The following SPAG17 variants were observed in gnomAD, a reference collection of about 807,000 sequenced individuals.
The protein encoded by SPAG17 is sperm-associated antigen 17.
In SPAG17, 169 loss-of-function variants were observed where a neutral mutation model predicts 273.6. That is an observed-to-expected ratio of 0.62 (90% CI 0.55 to 0.70). SPAG17 has a LOEUF of 0.70. Ranked by LOEUF, SPAG17 falls within the 30% of genes least tolerant of loss-of-function variation. SPAG17 has a pLI of 0.00. For missense variants in SPAG17, 2,557 were observed against 2,627.8 expected (o/e 0.97, Z 0.59); for synonymous variants, 825 against 873.2 (o/e 0.94, Z 0.97).
At chr1:118,076,022 CTTA>C (rs762958561) in intron 15 of SPAG17, among the ~76,000 whole-genome samples, 2 of 151,956 alleles carry the variant, frequency 1.3e-5, no homozygotes, top group Admixed American at 6.6e-5. Flanking sequence ...GAAACTTCAT[CTTA>C]TTATTATTAT....
At chr1:118,148,377 C>T (rs994098027) in intron 3 of SPAG17, among the ~76,000 whole-genome samples, 2 of 152,182 alleles carry the variant, frequency 1.3e-5, no homozygotes, top group Admixed American at 6.5e-5. Flanking sequence ...ATCCTCCACA[C>T]TCGGCAAGGG....
At chr1:117,997,555 T>A (rs1449953201) in intron 32 of SPAG17, among the ~76,000 whole-genome samples, 2 of 137,660 alleles carry the variant, frequency 1.5e-5, no homozygotes, top group Non-Finnish European at 3.1e-5. Context: ...ATTTCACTGT[T>A]GAATGAGAAG....
chr1:118,063,987 A>G (rs1434225494), intron 18 of SPAG17, among the ~76,000 whole-genome samples: 1 of 152,156 alleles, frequency 6.6e-6, no homozygotes, highest in African/African-American at 2.4e-5. Context: ...ATGAAAAAAT[A>G]CTCATCATCA....
In SPAG17 at chr1:117,953,941, C is replaced by G; in HGVS notation, c.*109G>C. The G allele has an allele frequency of 7.3e-7, 1 of 1,366,864 alleles. No homozygotes were observed. Among genetic ancestry groups the G allele is most frequent in the Non-Finnish European group, 1.0e-6 (1 of 992,980 alleles). The allele number at this position is 1,366,864 out of a possible 1,614,324, so 84.7% of individuals were successfully genotyped here. A position where few individuals can be genotyped will look rare whatever the true frequency, so the allele number is the denominator to read the frequency against. On this transcript the variant is annotated 3_prime_UTR_variant, in exon 49 of 49. Transcript: ENST00000336338. ...TTGGCAAATTTCTGGTCAGTTCTTCCAGTTTCAGTGTCCTGGGATGATGGA... is the reference window on the plus strand; with the variant it reads ...TTGGCAAATTTCTGGTCAGTTCTTCGAGTTTCAGTGTCCTGGGATGATGGA...
In SPAG17 at chr1:118,097,859, T is replaced by A; in HGVS notation, c.830-8A>T. 1 of 1,554,340 alleles carries A rather than the reference T, an allele frequency of 6.4e-7. No individual in the cohort carries two copies. Among genetic ancestry groups the A allele is most frequent in the Non-Finnish European group, 8.7e-7 (1 of 1,150,238 alleles). On this transcript the variant is annotated splice_polypyrimidine_tract_variant and splice_region_variant and intron_variant, in intron 6 of 48. Coordinates refer to ENST00000336338, the MANE Select transcript of SPAG17 (RefSeq NM_206996.4). ...ATTTTTCTGCTTCTAGATCTAATAATAGCAACATGTTTATATTACCAAATG... is the reference window on the plus strand; with the variant it reads ...ATTTTTCTGCTTCTAGATCTAATAAAAGCAACATGTTTATATTACCAAATG...
At chr1:118,123,500 A>C (rs1337649855) in intron 3 of SPAG17, among the ~76,000 whole-genome samples, 2 of 152,228 alleles carry the variant, frequency 1.3e-5, no homozygotes, top group Non-Finnish European at 2.9e-5. Flanking sequence ...CTGAAGATAT[A>C]GGTTCCATAT....
intron 3 of SPAG17, among the ~76,000 whole-genome samples, chr1:118,121,625 T>C (rs1657425343): frequency 6.6e-6 from 1 of 152,158 alleles, no homozygotes; most frequent in Non-Finnish European, 1.5e-5. Context: ...TGGAGCAGTT[T>C]CATCATGAAA....
At chr1:118,063,651 A>T (rs1317437703) in intron 18 of SPAG17, among the ~76,000 whole-genome samples, 2 of 152,190 alleles carry the variant, frequency 1.3e-5, no homozygotes, top group Admixed American at 6.5e-5. Flanking sequence ...AACCTAGGCA[A>T]TACCATTCAG....
intron 38 of SPAG17, among the ~76,000 whole-genome samples, chr1:117,989,542 C>T (rs1656833235): frequency 6.6e-6 from 1 of 151,912 alleles, no homozygotes; most frequent in Admixed American, 6.6e-5. Flanking sequence ...TCCCATTAGG[C>T]CCCTCCTCCC....
In SPAG17 at chr1:118,017,557, A is replaced by C. The variant is rs934156436; in HGVS notation, c.4070-1375T>G. ...ATTTTTCCTACAGGTGATATTTAATAACTAAAGTGTTATAAGAGAGAAAGT... is the reference window on the plus strand; with the variant it reads ...ATTTTTCCTACAGGTGATATTTAATCACTAAAGTGTTATAAGAGAGAAAGT... On this transcript the variant is annotated intron_variant, in intron 28 of 48. Transcript: ENST00000336338. Among the ~76,000 whole-genome samples the C allele has an allele frequency of 3.3e-5, 5 of 152,166 alleles. 1 individual carries two copies. The highest frequency in any genetic ancestry group is 4.8e-5 in the African/African-American group (2 of 41,438).
chr1:118,085,760 T>C (rs1183179288), intron 13 of SPAG17, among the ~76,000 whole-genome samples, 162 bp downstream of exon 13: 2 of 152,230 alleles, frequency 1.3e-5, no homozygotes, highest in Non-Finnish European at 2.9e-5. Context: ...GCTAATGACA[T>C]TATTCAAACA....
intron 3 of SPAG17, among the ~76,000 whole-genome samples, chr1:118,121,264 C>T (rs536457820): frequency 5.9e-5 from 9 of 152,168 alleles, no homozygotes; most frequent in South Asian, 2.1e-4. Flanking sequence ...TTCTGTATTG[C>T]GGGAGAGGAG....
chr1:118,170,678 G>A (rs2102391968), intron 1 of SPAG17, among the ~76,000 whole-genome samples: 1 of 152,284 alleles, frequency 6.6e-6, no homozygotes, highest in Non-Finnish European at 1.5e-5. Context: ...ATAAATCTCA[G>A]AGCGGGTAAG....
intron 43 of SPAG17, among the ~76,000 whole-genome samples, chr1:117,980,432 A>G (rs1247059311): frequency 6.6e-6 from 1 of 152,160 alleles, no homozygotes; most frequent in Non-Finnish European, 1.5e-5. Context: ...GGGTTTCACC[A>G]TATTGGCCAG....
At chr1:118,079,057 A>G (rs1654331010) in intron 15 of SPAG17, among the ~76,000 whole-genome samples, 1 of 152,086 alleles carries the variant, frequency 6.6e-6, no homozygotes, top group Non-Finnish European at 1.5e-5. Flanking sequence ...CCTTGTCAGT[A>G]TTCTTATAAA....
At chr1:117,978,897 C>T (rs1235740663) in intron 43 of SPAG17, among the ~76,000 whole-genome samples, 10 of 145,886 alleles carry the variant, frequency 6.9e-5, no homozygotes, top group African/African-American at 1.8e-4. Flanking sequence ...GACGGAGTTT[C>T]GCTCTTGTTG....
Position 118,062,432 on chromosome 1 carries a change from TATCTCATAAA to T in SPAG17, c.2540+4303_2540+4312del, listed in dbSNP as rs1652434469. Among the ~76,000 whole-genome samples, 3 of 147,298 alleles carry T rather than the reference TATCTCATAAA, an allele frequency of 2.0e-5. No individual in the cohort carries two copies. In the South Asian group the frequency reaches 6.5e-4, roughly 32 times the overall value. ...TAACTTATCAATGTCAGATAAAATA[TATCTCATAAA>T]ATCTATATAGATACATTAATGTCAA... On this transcript the variant is annotated intron_variant, in intron 18 of 48. Transcript: ENST00000336338.
intron 26 of SPAG17, among the ~76,000 whole-genome samples, chr1:118,027,918 A>G (rs746202094): frequency 4.6e-5 from 7 of 152,304 alleles, no homozygotes; most frequent in Middle Eastern, 3.4e-3. Flanking sequence ...GAACACAGGG[A>G]TACACACAAG....
At chr1:117,957,064 T>C (rs1652308362) in intron 48 of SPAG17, 1 of 1,555,438 alleles carries the variant, frequency 6.4e-7, no homozygotes, top group Non-Finnish European at 8.7e-7. Flanking sequence ...TTTTTCTTTT[T>C]CAGTGAGCTG....
Sources: gnomAD v4.1 joint callset for allele counts (sites outside exome capture counted in the v4.1 genomes callset) on GRCh38, gnomAD v4.1.1 for gene constraint, MANE v1.5 for transcripts, NCBI Gene and HGNC (gene_info 2026-07-23, HGNC 2026-07-21) for gene names.